Variants in PLEKHH2 observed in about 807,000 individuals in gnomAD.
PLEKHH2 encodes the protein pleckstrin homology, MyTH4 and FERM domain containing H2.
In PLEKHH2, 129 loss-of-function variants were observed where a neutral mutation model predicts 187.9. The ratio of observed to expected loss-of-function variants is 0.69; its 90% CI spans 0.59 to 0.79. The LOEUF is 0.79. Among genes scored for constraint, PLEKHH2 ranks in the 30% least tolerant of loss-of-function variants. The pLI is 0.00. For synonymous variants in PLEKHH2, 686 were observed against 605.6 expected (o/e 1.13, Z -1.95); for missense variants, 2,076 against 1,751.2 (o/e 1.19, Z -3.31).
intron 2 of PLEKHH2, among the ~76,000 whole-genome samples, chr2:43,670,273 T>A (rs567568571): frequency 6.6e-6 from 1 of 152,286 alleles, no homozygotes; most frequent in South Asian, 2.1e-4. Flanking sequence ...ATCCAAGGAC[T>A]TCGTATTAAG....
At position 43,754,613 on chromosome 2, in the gene PLEKHH2, A is replaced by G. The variant is rs187521492; in HGVS notation, c.3795+853A>G. Among the ~76,000 whole-genome samples the G allele has an allele frequency of 5.9e-5, 9 of 152,288 alleles. No individual in the cohort carries two copies. The East Asian group carries it at 1.7e-3, about 29-fold the overall frequency. On this transcript the variant is annotated intron_variant, in intron 25 of 29. Coordinates refer to ENST00000282406, the MANE Select transcript of PLEKHH2 (RefSeq NM_172069.4). ...TTTTCTTAAGAAGGAGAGAATGGTC[A>G]TAAGATGCAACCCATAGTCTCAACC...
At chr2:43,643,909 G>A (rs1344371198) in intron 1 of PLEKHH2, among the ~76,000 whole-genome samples, 1 of 152,026 alleles carries the variant, frequency 6.6e-6, no homozygotes, top group Non-Finnish European at 1.5e-5. Context: ...CCCTTACAGT[G>A]CTTCTCCCTG....
At chr2:43,652,893 A>G (rs750756856) in intron 2 of PLEKHH2, among the ~76,000 whole-genome samples, 5 of 152,230 alleles carry the variant, frequency 3.3e-5, no homozygotes, top group Non-Finnish European at 7.4e-5. Flanking sequence ...TAGTGCATCC[A>G]TGACACAGGG....
chr2:43,697,272 A>C lies in PLEKHH2; in HGVS notation c.604A>C (p.Ser202Arg). The C allele has an allele frequency of 1.2e-6, 2 of 1,613,884 alleles. No homozygotes were observed. Among genetic ancestry groups the C allele is most frequent in the Non-Finnish European group, 1.7e-6 (2 of 1,179,776 alleles). The change falls in exon 7 of 30, where the codon AGT (serine) becomes CGT (arginine). Residue 202 changes from serine (S) to arginine (R), a missense_variant. Ser to Arg is a moderately radical substitution (Grantham distance 110). Coordinates refer to ENST00000282406, the MANE Select transcript of PLEKHH2 (RefSeq NM_172069.4). The part of the protein sequence containing the change: ...TFGCFLSRAR[S>R]PPQVVKSEEM... ...TGGGTGCTTTTTATCTCGAGCAAGG[A>C]GTCCTCCTCAAGTAGTAAAATCTGA...
intron 21 of PLEKHH2, 129 bp downstream of exon 21, chr2:43,741,172 C>G: frequency 1.3e-6 from 1 of 756,406 alleles, no homozygotes; most frequent in Non-Finnish European, 1.9e-6. Context: ...GTACAGGAAG[C>G]CTTTGGTTAT....
At chr2:43,754,763 C>T (rs189313764) in intron 25 of PLEKHH2, among the ~76,000 whole-genome samples, 1 of 152,114 alleles carries the variant, frequency 6.6e-6, no homozygotes, top group South Asian at 2.1e-4. Context: ...ACACTCTGTC[C>T]CAGGACATCT....
intron 2 of PLEKHH2, among the ~76,000 whole-genome samples, chr2:43,667,012 T>G (rs932336086): frequency 6.6e-6 from 1 of 152,206 alleles, no homozygotes; most frequent in Non-Finnish European, 1.5e-5. Context: ...AACAGACACT[T>G]AAAATGGGTA....
At chr2:43,701,986 C>T (rs1431176716) in intron 8 of PLEKHH2, among the ~76,000 whole-genome samples, 1 of 152,176 alleles carries the variant, frequency 6.6e-6, no homozygotes, top group Non-Finnish European at 1.5e-5. Flanking sequence ...CCAGGCTGGT[C>T]TTGAATGCCT....
chr2:43,700,575 T>A lies in PLEKHH2; in HGVS notation c.1617T>A (p.Pro539=). 6.2e-7 allele frequency: 1 copy of A among 1,611,900 alleles called. No individual in the cohort carries two copies. The highest frequency in any genetic ancestry group is 8.5e-7 in the Non-Finnish European group (1 of 1,179,738). ...CAAAGAAGGTGGCATACAGCAAACC[T>A]CCAACTCCTCCCCTGCACCGTTTTC... is the stretch of plus-strand genomic sequence containing the variant. ...DSAKKVAYSK[P]PTPPLHRFPS... The change falls in exon 8 of 30, where the codon CCT becomes CCA. Residue 539 remains proline (P), a synonymous_variant. Coordinates refer to ENST00000282406, the MANE Select transcript of PLEKHH2 (RefSeq NM_172069.4).
chr2:43,759,751 T>C lies in PLEKHH2; in HGVS notation c.4071+722T>C, dbSNP rs534669996. ...CTATAAACTCACTGATCCTAAAATC[T>C]TCCTCTTGTACCTACTGTAGTGCTT... On this transcript the variant is annotated intron_variant, in intron 27 of 29. Transcript: ENST00000282406. Among the ~76,000 whole-genome samples, 5 of 152,328 alleles carry C rather than the reference T, an allele frequency of 3.3e-5. No homozygotes were observed. The East Asian group carries it at 9.6e-4, about 29-fold the overall frequency.
At chr2:43,742,605 A>G (rs1671616746) in intron 21 of PLEKHH2, 136 bp from the exon 22 acceptor site, 2 of 574,360 alleles carry the variant, frequency 3.5e-6, no homozygotes, top group Non-Finnish European at 5.4e-6. Flanking sequence ...GTTTAGTATT[A>G]TCATTCAAAA....
At chr2:43,688,052 C>G (rs1325638429) in intron 3 of PLEKHH2, among the ~76,000 whole-genome samples, 1 of 152,196 alleles carries the variant, frequency 6.6e-6, no homozygotes, top group Non-Finnish European at 1.5e-5. Flanking sequence ...CCTCCCTCCT[C>G]GGCCTCCCAA....
intron 2 of PLEKHH2, among the ~76,000 whole-genome samples, chr2:43,653,987 G>A (rs745456762): frequency 2.9e-4 from 44 of 152,324 alleles, no homozygotes; most frequent in Non-Finnish European, 4.4e-4. Flanking sequence ...GATAGGAAGT[G>A]TATTTGTTTG....
intron 2 of PLEKHH2, among the ~76,000 whole-genome samples, chr2:43,669,612 A>G (rs1468309576): frequency 8.5e-5 from 13 of 152,258 alleles, no homozygotes. Flanking sequence ...AAGTAGAAAA[A>G]TATATTTTAT....
chr2:43,747,501 T>C (rs923407728), intron 24 of PLEKHH2, among the ~76,000 whole-genome samples: 3 of 152,196 alleles, frequency 2.0e-5, no homozygotes, highest in Admixed American at 1.3e-4. Flanking sequence ...GTGTCAAGAA[T>C]TGAGAAAATG....
chr2:43,651,630 C>T (rs56789281), intron 2 of PLEKHH2, among the ~76,000 whole-genome samples: 1,790 of 152,026 alleles, frequency 0.012, 82 homozygotes, highest in Admixed American at 0.076. Context: ...ACACTGTGTG[C>T]GTCTGGCATA....
At chr2:43,731,856 G>C (rs1415575773) in intron 19 of PLEKHH2, among the ~76,000 whole-genome samples, 2 of 152,116 alleles carry the variant, frequency 1.3e-5, no homozygotes, top group African/African-American at 4.8e-5. Flanking sequence ...CTTGGTATCA[G>C]ATGAATCATT....
chr2:43,747,444 C>T (rs1322133431), intron 24 of PLEKHH2, among the ~76,000 whole-genome samples: 1 of 152,032 alleles, frequency 6.6e-6, no homozygotes, highest in South Asian at 2.1e-4. Flanking sequence ...CATCAAAATG[C>T]ATAGAAAAGA....
At chr2:43,751,535 A>G (rs1222186940) in intron 24 of PLEKHH2, among the ~76,000 whole-genome samples, 3 of 152,220 alleles carry the variant, frequency 2.0e-5, no homozygotes, top group Non-Finnish European at 4.4e-5. Flanking sequence ...TGGAAGCAGT[A>G]TATTTGCGTA....
Sources: gnomAD v4.1 joint callset for allele counts (sites outside exome capture counted in the v4.1 genomes callset) on GRCh38, gnomAD v4.1.1 for gene constraint, MANE v1.5 for transcripts, NCBI Gene and HGNC (gene_info 2026-07-23, HGNC 2026-07-21) for gene names.